Variants in KHDRBS2 observed in about 807,000 individuals in gnomAD.
KHDRBS2 encodes the protein KH RNA binding domain containing, signal transduction associated 2, also known as KH domain-containing, RNA-binding, signal transduction-associated protein 2.
Under a neutral mutation model 44.3 loss-of-function variants are expected in KHDRBS2, and 26 were observed. That is an observed-to-expected ratio of 0.59 (90% CI 0.43 to 0.81). The LOEUF (loss-of-function observed/expected upper bound fraction) is 0.81, where lower values mean the gene tolerates loss of function less well. Ranked by LOEUF, KHDRBS2 falls within the 40% of genes least tolerant of loss-of-function variation. The pLI is 0.00. For synonymous variants in KHDRBS2, 194 were observed against 151.1 expected (o/e 1.28, Z -2.08); for missense variants, 476 against 433.1 (o/e 1.10, Z -0.88).
At chr6:62,033,865 T>TA (rs1335996896) in intron 3 of KHDRBS2, among the ~76,000 whole-genome samples, 5 of 151,152 alleles carry the variant, frequency 3.3e-5, no homozygotes, top group Non-Finnish European at 5.9e-5. Context: ...TTTGAAAAGT[T>TA]AAAAAAATTG....
chr6:62,177,095 A>G, intron 2 of KHDRBS2, 90 bp downstream of exon 2: 3 of 807,146 alleles, frequency 3.7e-6, no homozygotes, highest in Non-Finnish European at 5.5e-6. Flanking sequence ...AGCTTCAAAT[A>G]TTTATTTTAT....
chr6:61,815,470 T>G lies in KHDRBS2; in HGVS notation c.810+79165A>C, dbSNP rs77103189. On this transcript the variant is annotated intron_variant, in intron 6 of 8. Transcript: ENST00000281156. ...ATTTTTTACCCACAAGTACAAGGTA[T>G]GTACTTTATGGTTTTAGCAAAAGTA... Among the ~76,000 whole-genome samples, 423 of 152,292 alleles carry G rather than the reference T, an allele frequency of 2.8e-3. 6 individuals carry two copies. Among genetic ancestry groups the G allele is most frequent in the African/African-American group, 9.8e-3 (409 of 41,572 alleles).
At chr6:61,592,682 T>C in the KHDRBS2 span, among the ~76,000 whole-genome samples, 1 of 151,226 alleles carries the variant, frequency 6.6e-6, no homozygotes, top group African/African-American at 2.4e-5. Context: ...AATATTTTTG[T>C]TTTTTTTTAG....
At chr6:62,258,112 A>G (rs1837710457) in intron 1 of KHDRBS2, among the ~76,000 whole-genome samples, 2 of 151,932 alleles carry the variant, frequency 1.3e-5, no homozygotes, top group South Asian at 4.1e-4. Flanking sequence ...TTCCATCTAT[A>G]ATGCTGTGTT....
chr6:61,589,599 C>T, the KHDRBS2 span, among the ~76,000 whole-genome samples: 1 of 152,066 alleles, frequency 6.6e-6, no homozygotes, highest in African/African-American at 2.4e-5. Flanking sequence ...TCAGAATACC[C>T]CTTCTTACTA....
At chr6:61,607,441 CTG>C in the KHDRBS2 span, among the ~76,000 whole-genome samples, 2 of 133,200 alleles carry the variant, frequency 1.5e-5, no homozygotes, top group Non-Finnish European at 3.1e-5. Context: ...AGATAAGCCT[CTG>C]AAATAATTTT....
chr6:62,174,163 T>C (rs549356376), intron 2 of KHDRBS2, among the ~76,000 whole-genome samples: 5 of 151,934 alleles, frequency 3.3e-5, no homozygotes, highest in East Asian at 1.9e-4. Context: ...TAAAGCCCCA[T>C]AGTCTCTTCT....
the KHDRBS2 span, among the ~76,000 whole-genome samples, chr6:61,594,252 A>C: frequency 6.6e-6 from 1 of 151,690 alleles, no homozygotes; most frequent in Admixed American, 6.6e-5. Flanking sequence ...TTAAACAAAA[A>C]AATATAAAAA....
At chr6:61,722,333 G>A (rs866339451) in intron 7 of KHDRBS2, among the ~76,000 whole-genome samples, 2 of 152,086 alleles carry the variant, frequency 1.3e-5, no homozygotes, top group Non-Finnish European at 2.9e-5. Flanking sequence ...TCCTGAACTA[G>A]CAATACCTTG....
At chr6:62,107,411 G>C (rs1385965596) in intron 2 of KHDRBS2, among the ~76,000 whole-genome samples, 1 of 152,058 alleles carries the variant, frequency 6.6e-6, no homozygotes, top group African/African-American at 2.4e-5. Context: ...TCTTCAAGGA[G>C]AACTACAAAC....
intron 2 of KHDRBS2, among the ~76,000 whole-genome samples, chr6:62,161,109 G>T (rs1387526217): frequency 1.3e-5 from 2 of 151,878 alleles, no homozygotes; most frequent in Non-Finnish European, 2.9e-5. Flanking sequence ...ATGTCCTCTT[G>T]GTTCATCCAT....
chr6:62,177,071 C>T (rs1374564579), intron 2 of KHDRBS2, 114 bp downstream of exon 2: 8 of 629,416 alleles, frequency 1.3e-5, no homozygotes, highest in Non-Finnish European at 2.0e-5. Context: ...TGCTTGCATA[C>T]ACTTACATTA....
At chr6:62,066,544 G>T (rs1000507966) in intron 2 of KHDRBS2, among the ~76,000 whole-genome samples, 1 of 151,642 alleles carries the variant, frequency 6.6e-6, no homozygotes, top group Non-Finnish European at 1.5e-5. Flanking sequence ...TTGTTTAAAT[G>T]TCACATAAGT....
intron 4 of KHDRBS2, among the ~76,000 whole-genome samples, chr6:61,976,807 TA>T (rs1772770085): frequency 1.3e-5 from 2 of 152,148 alleles, no homozygotes; most frequent in South Asian, 4.1e-4. Flanking sequence ...CTAAATACAG[TA>T]AAATTCCTTA....
intron 1 of KHDRBS2, among the ~76,000 whole-genome samples, chr6:62,234,330 T>C (rs1833366130): frequency 6.6e-6 from 1 of 152,138 alleles, no homozygotes. Context: ...TTATTACTAA[T>C]TACAGCACAA....
chr6:62,142,933 A>C (rs572738027), intron 2 of KHDRBS2, among the ~76,000 whole-genome samples: 32 of 151,442 alleles, frequency 2.1e-4, no homozygotes, highest in Non-Finnish European at 4.1e-4. Flanking sequence ...TGTAACAAAG[A>C]ATTTATTTTA....
intron 3 of KHDRBS2, among the ~76,000 whole-genome samples, chr6:61,987,145 A>G (rs1306189569): frequency 6.6e-6 from 1 of 152,160 alleles, no homozygotes; most frequent in African/African-American, 2.4e-5. Context: ...TGGGCAAGTG[A>G]CTCCACTATT....
At chr6:61,621,879 A>G in the KHDRBS2 span, among the ~76,000 whole-genome samples, 5 of 152,184 alleles carry the variant, frequency 3.3e-5, no homozygotes, top group Non-Finnish European at 1.5e-5. Flanking sequence ...CTGACCACAG[A>G]GGGGATCCCA....
At chr6:61,601,486 A>G in the KHDRBS2 span, among the ~76,000 whole-genome samples, 3 of 152,114 alleles carry the variant, frequency 2.0e-5, no homozygotes, top group Non-Finnish European at 4.4e-5. Flanking sequence ...TAGCCAGATA[A>G]TGGCACTTTC....
Sources: gnomAD v4.1 joint callset for allele counts (sites outside exome capture counted in the v4.1 genomes callset) on GRCh38, gnomAD v4.1.1 for gene constraint, MANE v1.5 for transcripts, NCBI Gene and HGNC (gene_info 2026-07-23, HGNC 2026-07-21) for gene names.